ZNF804B: variants seen among roughly 807,000 people sequenced by gnomAD.
ZNF804B encodes zinc finger protein 804B.
A neutral mutation model predicts 101.4 loss-of-function variants in ZNF804B; 80 were observed. The observed-to-expected ratio is 0.79, with a 90% CI of 0.66 to 0.95. The LOEUF (loss-of-function observed/expected upper bound fraction) is 0.95. Ranked by LOEUF, ZNF804B falls within the 40% of genes least tolerant of loss-of-function variation. The pLI is 0.00. For synonymous variants in ZNF804B, 622 were observed against 558.8 expected (o/e 1.11, Z -1.59); for missense variants, 1,673 against 1,561.9 (o/e 1.07, Z -1.20).
intron 1 of ZNF804B, among the ~76,000 whole-genome samples, chr7:88,933,350 T>C (rs1792919261): frequency 1.3e-5 from 2 of 151,702 alleles, no homozygotes; most frequent in Non-Finnish European, 2.9e-5. Flanking sequence ...TCAGGAAAAG[T>C]TGAAAGCATT....
intron 2 of ZNF804B, among the ~76,000 whole-genome samples, chr7:89,260,060 G>T (rs1194996617): frequency 6.6e-6 from 1 of 152,116 alleles, no homozygotes; most frequent in Non-Finnish European, 1.5e-5. Context: ...AGGAAGAAAA[G>T]CAAGAAAGGC....
At chr7:89,035,907 T>G (rs1207159945) in intron 1 of ZNF804B, among the ~76,000 whole-genome samples, 1 of 145,196 alleles carries the variant, frequency 6.9e-6, no homozygotes, top group African/African-American at 2.5e-5. Flanking sequence ...ATTATATATT[T>G]ATATATTATA....
chr7:88,968,024 A>C (rs1473026665), intron 1 of ZNF804B, among the ~76,000 whole-genome samples: 2 of 151,556 alleles, frequency 1.3e-5, no homozygotes, highest in Admixed American at 6.6e-5. Context: ...TTATAAAAGG[A>C]AACATTTAAA....
At chr7:89,192,591 C>A (rs1192615620) in intron 1 of ZNF804B, among the ~76,000 whole-genome samples, 2 of 151,950 alleles carry the variant, frequency 1.3e-5, no homozygotes, top group Non-Finnish European at 2.9e-5. Context: ...ATTACCATTA[C>A]CATTTATACT....
At chr7:89,298,143 C>A (rs1790412495) in intron 2 of ZNF804B, among the ~76,000 whole-genome samples, 2 of 67,874 alleles carry the variant, frequency 2.9e-5, no homozygotes, top group African/African-American at 1.1e-4. Flanking sequence ...ATATATATAT[C>A]ATATATATAG....
At chr7:89,124,210 A>C (rs1426501789) in intron 1 of ZNF804B, among the ~76,000 whole-genome samples, 1 of 150,934 alleles carries the variant, frequency 6.6e-6, no homozygotes, top group Non-Finnish European at 1.5e-5. Context: ...GACTTTAAAC[A>C]GCACATCATA....
At chr7:88,829,919 T>C (rs2115779947) in intron 1 of ZNF804B, among the ~76,000 whole-genome samples, 1 of 152,300 alleles carries the variant, frequency 6.6e-6, no homozygotes, top group Non-Finnish European at 1.5e-5. Context: ...TTACCTTGAA[T>C]CAAAATTTTT....
intron 1 of ZNF804B, among the ~76,000 whole-genome samples, chr7:88,871,669 A>G (rs1791824707): frequency 6.6e-6 from 1 of 152,188 alleles, no homozygotes; most frequent in Non-Finnish European, 1.5e-5. Context: ...GGCAATGATA[A>G]AAGTGAAAAC....
In ZNF804B at chr7:89,257,090, C is replaced by T. The variant is rs578011115; in HGVS notation, c.249+38795C>T. ...TGTGTTACTACCCTGTAAAATGGCT[C>T]ATTAAAGAACAAATTTTGGGATTTT... On this transcript the variant is annotated intron_variant, in intron 2 of 3. Transcript: ENST00000333190. Among the ~76,000 whole-genome samples the T allele has an allele frequency of 4.6e-5, 7 of 152,204 alleles. No individual in the cohort carries two copies. In the South Asian group the frequency reaches 1.5e-3, roughly 32 times the overall value.
rs62462053 is a variant in ZNF804B at position 88,842,297 on chromosome 7, C to T, written c.108+82213C>T. On this transcript the variant is annotated intron_variant, in intron 1 of 3. Transcript: ENST00000333190. ...GCTGGTTCCATTTGATTAGCTCCCA[C>T]TCACTCTGCTTCAGCCATTGTCATT... Among the ~76,000 whole-genome samples, 481 of 152,266 alleles carry T rather than the reference C, an allele frequency of 3.2e-3. 1 individual carries two copies. The highest frequency in any genetic ancestry group is 0.01 in the Middle Eastern group (3 of 294).
chr7:88,911,492 CCAA>C (rs1420924022), intron 1 of ZNF804B, among the ~76,000 whole-genome samples: 6 of 148,246 alleles, frequency 4.0e-5, no homozygotes, highest in African/African-American at 1.5e-4. Context: ...TATATTTATA[CCAA>C]CATTATTTTT....
At chr7:88,971,956 G>A (rs926351716) in intron 1 of ZNF804B, among the ~76,000 whole-genome samples, 1 of 151,398 alleles carries the variant, frequency 6.6e-6, no homozygotes, top group African/African-American at 2.4e-5. Flanking sequence ...CAGTTTACCA[G>A]AGTTGTAGAT....
intron 1 of ZNF804B, among the ~76,000 whole-genome samples, chr7:88,800,424 T>C (rs1397454907): frequency 6.6e-6 from 1 of 152,138 alleles, no homozygotes; most frequent in Non-Finnish European, 1.5e-5. Flanking sequence ...ACATTTCACA[T>C]AGTTTTCATC....
intron 1 of ZNF804B, among the ~76,000 whole-genome samples, chr7:89,024,350 A>G (rs1304903416): frequency 1.3e-5 from 2 of 152,046 alleles, no homozygotes; most frequent in Non-Finnish European, 2.9e-5. Flanking sequence ...GCTTCTCCCT[A>G]CTCACTTGAT....
At chr7:89,031,833 C>A (rs907844619) in intron 1 of ZNF804B, among the ~76,000 whole-genome samples, 9 of 152,030 alleles carry the variant, frequency 5.9e-5, no homozygotes, top group Non-Finnish European at 1.2e-4. Context: ...AGTGAATTTA[C>A]ATCTTTAGGT....
chr7:88,871,443 G>A (rs1208682033), intron 1 of ZNF804B, among the ~76,000 whole-genome samples: 1 of 151,826 alleles, frequency 6.6e-6, no homozygotes, highest in Non-Finnish European at 1.5e-5. Flanking sequence ...TAGAGGAAAA[G>A]TGCTTTTAAA....
chr7:88,942,355 A>T (rs1793065890), intron 1 of ZNF804B, among the ~76,000 whole-genome samples: 1 of 152,004 alleles, frequency 6.6e-6, no homozygotes, highest in African/African-American at 2.4e-5. Context: ...TAGTTTTCAT[A>T]ATATGTATAA....
chr7:89,165,494 G>A (rs1791128771), intron 1 of ZNF804B, among the ~76,000 whole-genome samples: 1 of 151,928 alleles, frequency 6.6e-6, no homozygotes, highest in East Asian at 1.9e-4. Flanking sequence ...AGCTTTTTTG[G>A]CACATTTGTC....
At chr7:88,873,107 T>C (rs914990568) in intron 1 of ZNF804B, among the ~76,000 whole-genome samples, 4 of 151,992 alleles carry the variant, frequency 2.6e-5, no homozygotes, top group Non-Finnish European at 4.4e-5. Context: ...GTGTTCCTAT[T>C]TCTCCACATC....
Sources: gnomAD v4.1 joint callset for allele counts (sites outside exome capture counted in the v4.1 genomes callset) on GRCh38, gnomAD v4.1.1 for gene constraint, MANE v1.5 for transcripts, NCBI Gene and HGNC (gene_info 2026-07-23, HGNC 2026-07-21) for gene names.